Variants in AGFG1 observed in about 807,000 individuals in gnomAD.
AGFG1 encodes the protein arf-GAP domain and FG repeat-containing protein 1.
AGFG1 carries 10 observed loss-of-function variants against 60.6 expected under a neutral mutation model. The ratio of observed to expected loss-of-function variants is 0.16; its 90% CI spans 0.10 to 0.28. AGFG1 has a LOEUF of 0.28. AGFG1 is among the 10% of genes least tolerant of loss of function. The pLI, the probability that AGFG1 is intolerant of heterozygous loss-of-function variation, is 1.00. For missense variants in AGFG1, 537 were observed against 676.5 expected (o/e 0.79, Z 2.29); for synonymous variants, 247 against 242.9 (o/e 1.02, Z -0.16).
rs892583261 is a variant in AGFG1, at chr2:227,505,171, T to C, written c.261+13531T>C. ...TATGTAATATCTTTTTTATGTTTGA[T>C]AATACTCTTTTTTGAAATTTACTTT... is the stretch of plus-strand genomic sequence containing the variant. On this transcript the variant is annotated intron_variant, in intron 2 of 12. Transcript: ENST00000310078. Among the ~76,000 whole-genome samples, 3 of 151,676 alleles carry C rather than the reference T, an allele frequency of 2.0e-5. No homozygotes were observed. In the Admixed American group the frequency reaches 2.0e-4, roughly 10 times the overall value.
At chr2:227,477,081 T>C (rs1191683854) in intron 1 of AGFG1, among the ~76,000 whole-genome samples, 2 of 152,090 alleles carry the variant, frequency 1.3e-5, no homozygotes, top group Non-Finnish European at 2.9e-5. Context: ...TTTGTATTTA[T>C]AGTAGAGACT....
intron 10 of AGFG1, among the ~76,000 whole-genome samples, chr2:227,548,686 C>A (rs186877694): frequency 2.0e-5 from 3 of 152,250 alleles, no homozygotes; most frequent in African/African-American, 7.2e-5. Context: ...GCCTGTAATC[C>A]CAGCACTTTG....
rs923977194 is a variant in AGFG1 at position 227,489,752 on chromosome 2, A to G, written c.168-1795A>G. The stretch of plus-strand genomic sequence containing the variant: ...TGAAAGATGACATTTATCTGTGACA[A>G]GGGGGAGGGAGAAAAAGAAGCAGTG... On this transcript the variant is annotated intron_variant, in intron 1 of 12. Transcript: ENST00000310078. Among the ~76,000 whole-genome samples the G allele has an allele frequency of 2.0e-5, 3 of 152,242 alleles. No individual in the cohort carries two copies. In the East Asian group the frequency reaches 5.8e-4, roughly 29 times the overall value.
intron 10 of AGFG1, among the ~76,000 whole-genome samples, chr2:227,546,443 G>C (rs1692650851): frequency 6.6e-6 from 1 of 152,226 alleles, no homozygotes; most frequent in African/African-American, 2.4e-5. Flanking sequence ...CACTTCCCGG[G>C]TGAGGTGATG....
Position 227,557,669 on chromosome 2 carries a change from C to T in AGFG1, c.*3174C>T, listed in dbSNP as rs1173345159. The T allele has an allele frequency of 6.6e-6, 1 of 152,048 alleles. No homozygotes were observed. Among genetic ancestry groups the T allele is most frequent in the Non-Finnish European group, 1.5e-5 (1 of 68,004 alleles). The allele number at this position is 152,048 out of a possible 1,614,324, so 9.4% of individuals were successfully genotyped here. A position where few individuals can be genotyped will look rare whatever the true frequency, so the allele number is the denominator to read the frequency against. On this transcript the variant is annotated 3_prime_UTR_variant, in exon 13 of 13. Transcript: ENST00000310078. ...ACCATTTTTGATAAAAATAACTTTTCCAAAACAAAAACTAATGAGAACAGG... is the reference window on the plus strand; with the variant it reads ...ACCATTTTTGATAAAAATAACTTTTTCAAAACAAAAACTAATGAGAACAGG...
At chr2:227,524,614 C>G (rs1691929203) in intron 4 of AGFG1, 148 bp from the exon 5 acceptor site, 5 of 831,688 alleles carry the variant, frequency 6.0e-6, no homozygotes, top group Non-Finnish European at 9.3e-6. Flanking sequence ...TCTGTTTTCA[C>G]AAAAGATTGA....
chr2:227,510,971 T>C (rs974372908), intron 2 of AGFG1: 2 of 152,246 alleles, frequency 1.3e-5, no homozygotes, highest in African/African-American at 4.8e-5. Flanking sequence ...AAATGTTTTA[T>C]CATTTCTGTT....
Position 227,556,828 on chromosome 2 carries a change from T to G in AGFG1, c.*2333T>G, listed in dbSNP as rs1692982636. 1 of 152,058 alleles carries G rather than the reference T, an allele frequency of 6.6e-6. No homozygotes were observed. The highest frequency in any genetic ancestry group is 2.4e-5 in the African/African-American group (1 of 41,376). 9.4% of individuals were successfully genotyped at this position (152,058 alleles called of 1,614,324 possible). A position where few individuals can be genotyped will look rare whatever the true frequency, so the allele number is the denominator to read the frequency against. On this transcript the variant is annotated 3_prime_UTR_variant, in exon 13 of 13. Transcript: ENST00000310078. ...TGAGAGCCTGTGAGTCCTAGCTACC[T>G]GGAGGTGAGGTGGGAACATCACTTG...
At chr2:227,545,287 G>A (rs985413569) in intron 10 of AGFG1, among the ~76,000 whole-genome samples, 1 of 152,048 alleles carries the variant, frequency 6.6e-6, no homozygotes, top group Non-Finnish European at 1.5e-5. Context: ...CATAGTTCTT[G>A]TGCCATGGTT....
intron 2 of AGFG1, among the ~76,000 whole-genome samples, chr2:227,507,624 A>AAAAAAAAAAC: frequency 6.6e-6 from 1 of 150,584 alleles, no homozygotes; most frequent in Non-Finnish European, 1.5e-5. Flanking sequence ...AAAAAAAAAA[A>AAAAAAAAAAC]AAGCGCCTTT....
intron 2 of AGFG1, 130 bp from the exon 3 acceptor site, chr2:227,519,818 A>G (rs1691773758): frequency 3.5e-6 from 2 of 565,278 alleles, no homozygotes; most frequent in East Asian, 6.7e-5. Flanking sequence ...GTTTATTAGT[A>G]TCCTCATTGA....
chr2:227,510,926 T>C (rs2106194403), intron 2 of AGFG1: 1 of 152,350 alleles, frequency 6.6e-6, no homozygotes, highest in Non-Finnish European at 1.5e-5. Context: ...ATTTGCTTCT[T>C]TTTTTTCCTT....
Position 227,553,775 on chromosome 2 carries a change from G to A in AGFG1, c.1609G>A (p.Val537Ile). 3 of 1,613,616 alleles carry A rather than the reference G, an allele frequency of 1.9e-6. No individual in the cohort carries two copies. The highest frequency in any genetic ancestry group is 1.1e-5 in the South Asian group (1 of 91,054). ...TPFGQVAAAGVSSNPFMTGAP... is the reference protein window; with the variant it reads ...TPFGQVAAAGISSNPFMTGAP... The stretch of plus-strand genomic sequence containing the variant: ...TTTTGGTCAAGTTGCAGCTGCTGGA[G>A]TATCTAGTAATCCTTTTATGGTAAG... Residue 537 changes from valine to isoleucine, a missense_variant, in exon 12 of 13, where the codon GTA becomes ATA. This residue lies in a region of AGFG1 where 28 missense variants were observed against 51.5 expected (regional missense o/e 0.54). Coordinates refer to ENST00000310078, the MANE Select transcript of AGFG1 (RefSeq NM_004504.5).
rs6711087 is a variant in AGFG1, at chr2:227,557,935, T to C, written c.*3440T>C. 182 of 152,356 alleles carry C rather than the reference T, an allele frequency of 1.2e-3. No individual in the cohort carries two copies. Among genetic ancestry groups the C allele is most frequent in the Middle Eastern group, 6.8e-3 (2 of 294 alleles). The allele number at this position is 152,356 out of a possible 1,614,324, so 9.4% of individuals were successfully genotyped here. ...TAGGGACCATTAAGGGTCTCCAGAC[T>C]CTTTGAGAACCACTATACTTTAAAT... On this transcript the variant is annotated 3_prime_UTR_variant, in exon 13 of 13. Transcript: ENST00000310078.
intron 6 of AGFG1, among the ~76,000 whole-genome samples, chr2:227,532,419 T>C (rs550827001): frequency 1.3e-5 from 2 of 152,264 alleles, no homozygotes; most frequent in African/African-American, 2.4e-5. Context: ...TGAAATAATA[T>C]TCTTTATATA....
At chr2:227,490,346 A>C (rs1262052961) in intron 1 of AGFG1, among the ~76,000 whole-genome samples, 1 of 152,144 alleles carries the variant, frequency 6.6e-6, no homozygotes, top group African/African-American at 2.4e-5. Context: ...TGGGAGGCCG[A>C]GGCAGGTGGA....
chr2:227,546,219 C>G (rs1286223303), intron 10 of AGFG1, among the ~76,000 whole-genome samples: 1 of 152,216 alleles, frequency 6.6e-6, no homozygotes, highest in Non-Finnish European at 1.5e-5. Flanking sequence ...AGCCTTGCTG[C>G]CGCCTCGCAG....
chr2:227,534,852 T>A lies in AGFG1; in HGVS notation c.1032T>A (p.Asp344Glu). The change falls in exon 8 of 13, where the codon GAT (aspartate) becomes GAA (glutamate). Residue 344 changes from aspartate (D) to glutamate (E), a missense_variant. Transcript: ENST00000310078. ...GATTTTGTTCGTTCCCAGGTGGTGA[T>A]CAGGGAAGTGGCTTTGGGACCACAG... ...DNIFSAGQGGDQGSGFGTTGK... is the reference protein window; with the variant it reads ...DNIFSAGQGGEQGSGFGTTGK... 6.2e-7 allele frequency: 1 copy of A among 1,613,110 alleles called. No homozygotes were observed. Among genetic ancestry groups the A allele is most frequent in the Non-Finnish European group, 8.5e-7 (1 of 1,179,528 alleles).
intron 3 of AGFG1, among the ~76,000 whole-genome samples, chr2:227,522,876 A>C (rs1691864706): frequency 6.6e-6 from 1 of 152,200 alleles, no homozygotes; most frequent in African/African-American, 2.4e-5. Flanking sequence ...TCCTCACATA[A>C]ATCATGTGTT....
Sources: allele counts gnomAD v4.1 joint callset (sites outside exome capture counted in the v4.1 genomes callset), GRCh38; gene constraint gnomAD v4.1.1; regional missense constraint gnomAD v4.1.1; transcripts MANE v1.5; gene names NCBI Gene and HGNC (gene_info 2026-07-23, HGNC 2026-07-21).